The following RUSC2 variants were observed in gnomAD, a reference collection of about 807,000 sequenced individuals.
RUSC2 encodes RUN and SH3 domain containing 2.
A neutral mutation model predicts 122.2 loss-of-function variants in RUSC2; 34 were observed. That is an observed-to-expected ratio of 0.28 (90% CI 0.21 to 0.37). The LOEUF (loss-of-function observed/expected upper bound fraction) is 0.37, where lower values mean the gene tolerates loss of function less well. RUSC2 is among the 10% of genes least tolerant of loss of function. The pLI is 1.00. For synonymous variants in RUSC2, 784 were observed against 790.0 expected (o/e 0.99, Z 0.13); for missense variants, 1,747 against 1,952.4 (o/e 0.89, Z 1.98).
At chr9:35,511,480 A>G (rs1821009713) in intron 1 of RUSC2, among the ~76,000 whole-genome samples, 1 of 152,184 alleles carries the variant, frequency 6.6e-6, no homozygotes, top group South Asian at 2.1e-4. Context: ...TGGATTCCCT[A>G]GATCCATTTC....
rs778778403 is a variant in RUSC2, at chr9:35,561,029, C to T, written c.4281C>T (p.Arg1427=). ...FQLVAQTVGS[R]REPEPKESLQ... ...TAGTGGCGCAGACAGTGGGTTCCCGCCGGGAGCCAGAGCCCAAGGAGAGCC... is the reference window on the plus strand; with the variant it reads ...TAGTGGCGCAGACAGTGGGTTCCCGTCGGGAGCCAGAGCCCAAGGAGAGCC... The change falls in exon 11 of 12, where the codon CGC becomes CGT. Residue 1427 remains arginine (R), a synonymous_variant. Coordinates refer to ENST00000361226, the MANE Select transcript of RUSC2 (RefSeq NM_014806.5). The T allele has an allele frequency of 6.2e-7, 1 of 1,614,178 alleles. No homozygotes were observed. Among genetic ancestry groups the T allele is most frequent in the Admixed American group, 1.7e-5 (1 of 60,024 alleles).
At chr9:35,525,120 G>A (rs1322096275) in intron 1 of RUSC2, among the ~76,000 whole-genome samples, 1 of 152,114 alleles carries the variant, frequency 6.6e-6, no homozygotes, top group African/African-American at 2.4e-5. Context: ...TTTTTTGTGT[G>A]GGGAAACCCC....
chr9:35,535,801 A>T (rs1821515836), intron 1 of RUSC2, among the ~76,000 whole-genome samples: 1 of 151,984 alleles, frequency 6.6e-6, no homozygotes, highest in South Asian at 2.1e-4. Context: ...CGGCCTCTCA[A>T]AGTGCTGGGA....
chr9:35,505,593 G>A (rs1820900810), intron 1 of RUSC2, among the ~76,000 whole-genome samples: 1 of 152,102 alleles, frequency 6.6e-6, no homozygotes, highest in African/African-American at 2.4e-5. Flanking sequence ...GGGTCTCTCA[G>A]AGATCTAGAG....
intron 1 of RUSC2, among the ~76,000 whole-genome samples, chr9:35,500,322 A>C (rs946884272): frequency 6.6e-6 from 1 of 152,124 alleles, no homozygotes; most frequent in Non-Finnish European, 1.5e-5. Flanking sequence ...AAACCATCAG[A>C]TCTTGTGAGA....
intron 1 of RUSC2, among the ~76,000 whole-genome samples, chr9:35,499,823 G>C (rs758893499): frequency 2.5e-4 from 38 of 152,108 alleles, no homozygotes; most frequent in Admixed American, 7.2e-4. Context: ...TCTCCTAAAG[G>C]CAGCATAGAT....
intron 2 of RUSC2, chr9:35,549,194 A>C: frequency 4.1e-6 from 4 of 985,436 alleles, no homozygotes; most frequent in Non-Finnish European, 4.8e-6. Context: ...TTCCTGGAAG[A>C]AAAGTTCAGG....
chr9:35,491,245 A>G (rs1820562146), intron 1 of RUSC2, among the ~76,000 whole-genome samples: 1 of 152,196 alleles, frequency 6.6e-6, no homozygotes, highest in Non-Finnish European at 1.5e-5. Context: ...GGATGAAACA[A>G]TGGCTGGAAA....
At chr9:35,559,538 T>C (rs531868736) in intron 9 of RUSC2, among the ~76,000 whole-genome samples, 7 of 152,250 alleles carry the variant, frequency 4.6e-5, no homozygotes, top group Middle Eastern at 3.4e-3. Flanking sequence ...AGTTTGAGAC[T>C]AGCCTGGGCA....
At position 35,555,531 on chromosome 9, in the gene RUSC2, C is replaced by T; in HGVS notation, c.2486C>T (p.Thr829Ile). ...HSCPSAVRPA[T>I]SQQPQKEDQK... ...TGTCCTTCTGCTGTCCGGCCTGCCA[C>T]CTCCCAGCAGCCGCAGAAGGAGGAT... The change falls in exon 3 of 12, where the codon ACC becomes ATC. Residue 829 changes from threonine (T) to isoleucine (I), a missense_variant. Physicochemically the swap from Thr to Ile is moderately conservative, Grantham distance 89 (BLOSUM62 -1). Transcript: ENST00000361226. This position sits in a 1 kb window ranked among gnomAD's most constrained non-coding sequence, Gnocchi z 4.6. The T allele has an allele frequency of 6.2e-7, 1 of 1,614,192 alleles. No individual in the cohort carries two copies. The highest frequency in any genetic ancestry group is 8.5e-7 in the Non-Finnish European group (1 of 1,180,024).
chr9:35,491,062 A>C (rs1365022717), intron 1 of RUSC2, among the ~76,000 whole-genome samples: 1 of 151,642 alleles, frequency 6.6e-6, no homozygotes, highest in Non-Finnish European at 1.5e-5. Flanking sequence ...GATTACCACT[A>C]TGTGAACAGT....
intron 1 of RUSC2, among the ~76,000 whole-genome samples, chr9:35,491,199 T>C (rs947561795): frequency 6.6e-6 from 1 of 151,716 alleles, no homozygotes; most frequent in Non-Finnish European, 1.5e-5. Flanking sequence ...TTCCTGGGGG[T>C]TTGGGTTCCA....
At chr9:35,506,611 G>A (rs1030997879) in intron 1 of RUSC2, among the ~76,000 whole-genome samples, 2 of 152,184 alleles carry the variant, frequency 1.3e-5, no homozygotes, top group African/African-American at 4.8e-5. Context: ...CAAAAGATCT[G>A]ATTAATTTAG....
Position 35,561,387 on chromosome 9 carries a change from C to G in RUSC2, c.*5C>G. On this transcript the variant is annotated 3_prime_UTR_variant, in exon 12 of 12. Coordinates refer to ENST00000361226, the MANE Select transcript of RUSC2 (RefSeq NM_014806.5). Reference sequence around the variant, plus strand: ...CCTGGAAGCAGCCAAAACTGAGGCCCTGTGCATGCTGGTGGCCTCAGGGAC... The same window carrying G: ...CCTGGAAGCAGCCAAAACTGAGGCCGTGTGCATGCTGGTGGCCTCAGGGAC... 3.7e-6 allele frequency: 6 copies of G among 1,603,404 alleles called. No individual in the cohort carries two copies. Among genetic ancestry groups the G allele is most frequent in the Non-Finnish European group, 5.1e-6 (6 of 1,174,408 alleles).
intron 1 of RUSC2, among the ~76,000 whole-genome samples, chr9:35,509,763 T>C (rs1820980249): frequency 2.0e-5 from 3 of 152,186 alleles, no homozygotes; most frequent in Admixed American, 1.3e-4. Context: ...ACATTTATTA[T>C]AGTTGTCATT....
intron 1 of RUSC2, among the ~76,000 whole-genome samples, chr9:35,491,810 A>G (rs1201677873): frequency 7.9e-5 from 12 of 152,164 alleles, no homozygotes; most frequent in Non-Finnish European, 1.5e-4. Flanking sequence ...ATTACCGGGC[A>G]TGGTGGTGTG....
chr9:35,533,351 T>C (rs7041770), intron 1 of RUSC2, among the ~76,000 whole-genome samples: 115,079 of 151,984 alleles, frequency 0.76, 45,041 homozygotes, highest in Non-Finnish European at 0.87. Context: ...GGTACCCTGA[T>C]ATTCCACCTC....
intron 1 of RUSC2, among the ~76,000 whole-genome samples, chr9:35,540,239 T>A (rs1233582366): frequency 3.3e-5 from 5 of 152,106 alleles, no homozygotes; most frequent in African/African-American, 1.2e-4. Context: ...CATTGTGGTG[T>A]GCACCTGTAG....
intron 1 of RUSC2, among the ~76,000 whole-genome samples, chr9:35,495,382 C>A (rs1820690360): frequency 6.8e-6 from 1 of 147,918 alleles, no homozygotes; most frequent in Non-Finnish European, 1.5e-5. Flanking sequence ...ATTTCATTTG[C>A]TTGTGGATAT....
Sources: gnomAD v4.1 joint callset for allele counts (sites outside exome capture counted in the v4.1 genomes callset) on GRCh38, gnomAD v4.1.1 for gene constraint, Gnocchi (gnomAD v3.1) non-coding constraint, MANE v1.5 for transcripts, NCBI Gene and HGNC (gene_info 2026-07-23, HGNC 2026-07-21) for gene names.